Variants in ITPRID2 observed in about 807,000 individuals in gnomAD.
The protein encoded by ITPRID2 is protein ITPRID2.
Under a neutral mutation model 124.3 loss-of-function variants are expected in ITPRID2, and 60 were observed. That is an observed-to-expected ratio of 0.48 (90% confidence interval 0.39 to 0.60). The LOEUF (loss-of-function observed/expected upper bound fraction) is 0.60, where lower values mean the gene tolerates loss of function less well. Among genes scored for constraint, ITPRID2 ranks in the 20% least tolerant of loss-of-function variants. The probability of loss-of-function intolerance (pLI) is 0.00; values close to 1 mark genes in which losing one functional copy is unlikely to be tolerated. For missense variants in ITPRID2, 1,553 were observed against 1,512.2 expected (o/e 1.03, Z -0.45); for synonymous variants, 521 against 542.9 (o/e 0.96, Z 0.56).
intron 6 of ITPRID2, among the ~76,000 whole-genome samples, chr2:181,900,193 A>G (rs1286699913): frequency 1.3e-5 from 2 of 152,184 alleles, no homozygotes; most frequent in African/African-American, 2.4e-5. Flanking sequence ...AGTTGAAAGT[A>G]AGCTCCTCCC....
chr2:181,899,664 C>T lies in ITPRID2; in HGVS notation c.503+552C>T, dbSNP rs1184141359. ...CAGCCTGAGCAATATGGGGAAACGGCGAAACCCTGTCTTTACAAAAAATGC... is the reference window on the plus strand; with the variant it reads ...CAGCCTGAGCAATATGGGGAAACGGTGAAACCCTGTCTTTACAAAAAATGC... On this transcript the variant is annotated intron_variant, in intron 6 of 17. Transcript: ENST00000431877. Among the ~76,000 whole-genome samples, 9 of 152,182 alleles carry T rather than the reference C, an allele frequency of 5.9e-5. No homozygotes were observed. The East Asian group carries it at 1.4e-3, about 23-fold the overall frequency.
chr2:181,901,909 T>A lies in ITPRID2; in HGVS notation c.856T>A (p.Leu286Ile). The part of the protein sequence containing the change: ...SNKETDPPPP[L>I]TRSNTANRLM... Reference sequence around the variant, plus strand: ...CAAGGAGACAGACCCACCTCCACCTTTAACTCGAAGTAACACTGCAAATCG... The same window carrying A: ...CAAGGAGACAGACCCACCTCCACCTATAACTCGAAGTAACACTGCAAATCG... The change falls in exon 8 of 18, where the codon TTA becomes ATA. Residue 286 changes from leucine (L) to isoleucine (I), a missense_variant. Transcript: ENST00000431877. 7 of 1,613,900 alleles carry A rather than the reference T, an allele frequency of 4.3e-6. No individual in the cohort carries two copies. The highest frequency in any genetic ancestry group is 5.9e-6 in the Non-Finnish European group (7 of 1,179,882).
chr2:181,910,692 A>G lies in ITPRID2; in HGVS notation c.1486+721A>G. The G allele has an allele frequency of 1.5e-6, 1 of 651,056 alleles. No homozygotes were observed. Among genetic ancestry groups the G allele is most frequent in the South Asian group, 1.8e-5 (1 of 54,340 alleles). The allele number at this position is 651,056 out of a possible 1,614,324, so 40.3% of individuals were successfully genotyped here. A position where few individuals can be genotyped will look rare whatever the true frequency, so the allele number is the denominator to read the frequency against. ...ACCACCCTGTTTTTTTTTTAAACAA[A>G]GATTCGTATGTATGTTCCTAGAATA... On this transcript the variant is annotated intron_variant, in intron 9 of 17. Coordinates refer to ENST00000431877, the MANE Select transcript of ITPRID2 (RefSeq NM_001130445.3). The surrounding 1 kb of genome is among the most constrained non-coding windows in gnomAD (Gnocchi z 4.1).
At position 181,922,119 on chromosome 2, in the gene ITPRID2, G is replaced by A. The variant is rs748434623; in HGVS notation, c.3382G>A (p.Gly1128Arg). ...TCCCTCTCATGCTAACAGAAGAACT[G>A]GAGTACCTTCTACTGCCTCAGTGGG... ...SGPSHANRRT[G>R]VPSTASVGKS... Residue 1128 changes from glycine to arginine, a missense_variant, in exon 16 of 18, where the codon GGA becomes AGA. Physicochemically the swap from Gly to Arg is moderately radical, Grantham distance 125. Coordinates refer to ENST00000431877, the MANE Select transcript of ITPRID2 (RefSeq NM_001130445.3). 13 of 1,614,234 alleles carry A rather than the reference G, an allele frequency of 8.1e-6. No homozygotes were observed. The highest frequency in any genetic ancestry group is 1.0e-5 in the Non-Finnish European group (12 of 1,180,036).
At position 181,916,410 on chromosome 2, in the gene ITPRID2, C is replaced by T; in HGVS notation, c.2770C>T (p.Leu924=). The T allele has an allele frequency of 6.2e-7, 1 of 1,612,966 alleles. No individual in the cohort carries two copies. Among genetic ancestry groups the T allele is most frequent in the Non-Finnish European group, 8.5e-7 (1 of 1,179,130 alleles). ...AGTATTACATGATATTAGAAACTCA[C>T]TGCAGAATCTTTCACAGGTATGAGA... ...RRVLHDIRNS[L]QNLSQYPMMR... is the part of the protein sequence containing the mutation. Residue 924 remains leucine (L), a synonymous_variant, in exon 11 of 18, where the codon CTG becomes TTG. Transcript: ENST00000431877.
Position 181,901,919 on chromosome 2 carries a change from G to GTGT in ITPRID2, c.867_868insGTT (p.Ser289_Asn290insVal), listed in dbSNP as rs1359618006. ...GACCCACCTCCACCTTTAACTCGAA[G>GTGT]TAACACTGCAAATCGTTTAATGAAA... On this transcript the variant is annotated inframe_insertion, in exon 8 of 18. Transcript: ENST00000431877. The GTGT allele has an allele frequency of 6.2e-7, 1 of 1,613,828 alleles. No homozygotes were observed. Among genetic ancestry groups the GTGT allele is most frequent in the East Asian group, 2.2e-5 (1 of 44,858 alleles).
In ITPRID2 at chr2:181,915,934, G is replaced by C. The variant is rs1477561058; in HGVS notation, c.2294G>C (p.Arg765Thr). The C allele has an allele frequency of 1.4e-5, 22 of 1,614,092 alleles. No individual in the cohort carries two copies. The highest frequency in any genetic ancestry group is 1.8e-5 in the Non-Finnish European group (21 of 1,180,048). ...CGATTATCTCCAGGAAAAGAGACCAGATGCAGCCCACCTTCCTTCACCTAT... is the reference window on the plus strand; with the variant it reads ...CGATTATCTCCAGGAAAAGAGACCACATGCAGCCCACCTTCCTTCACCTAT... ...NVRLSPGKET[R>T]CSPPSFTYKY... is the part of the protein sequence containing the mutation. The change falls in exon 11 of 18, where the codon AGA (arginine) becomes ACA (threonine). Residue 765 changes from arginine to threonine, a missense_variant. By Grantham distance (71) the Arg-to-Thr change is moderately conservative. Transcript: ENST00000431877.
chr2:181,920,130 T>C (rs1313927089), intron 14 of ITPRID2, among the ~76,000 whole-genome samples: 1 of 152,196 alleles, frequency 6.6e-6, no homozygotes, highest in Non-Finnish European at 1.5e-5. Flanking sequence ...AGTGAATTAT[T>C]CTTTGTTACC....
rs1163829848 is a variant in ITPRID2, at chr2:181,928,223, A to G, written c.3738A>G (p.Val1246=). Residue 1246 remains valine (V), a synonymous_variant, in exon 17 of 18, where the codon GTA becomes GTG. Coordinates refer to ENST00000431877, the MANE Select transcript of ITPRID2 (RefSeq NM_001130445.3). ...TTGTAAGTGGACTTTTGGCAGCAGT[A>G]TCTTCAAGTAAAGCGTCTAATTCTA... ...REIVSGLLAA[V]SSSKASNSKQ... is the part of the protein sequence containing the mutation. 1.3e-6 allele frequency: 2 copies of G among 1,550,982 alleles called. No homozygotes were observed. The highest frequency in any genetic ancestry group is 1.4e-5 in the African/African-American group (1 of 73,028).
In ITPRID2 at chr2:181,910,501, C is replaced by T. The variant is rs1693515979; in HGVS notation, c.1486+530C>T. On this transcript the variant is annotated intron_variant, in intron 9 of 17. Transcript: ENST00000431877. The surrounding 1 kb of genome is among the most constrained non-coding windows in gnomAD (Gnocchi z 4.1). ...AATTATTAATTATTGACCAAAGAAC[C>T]TTTGAATCCATCCCTTTCACTTTTA... The T allele has an allele frequency of 4.8e-6, 3 of 625,538 alleles. No homozygotes were observed. The highest frequency in any genetic ancestry group is 2.5e-4 in the Middle Eastern group (1 of 4,000). The allele number at this position is 625,538 out of a possible 1,614,324, so 38.7% of individuals were successfully genotyped here. A position where few individuals can be genotyped will look rare whatever the true frequency, so the allele number is the denominator to read the frequency against.
Position 181,892,837 on chromosome 2 carries a change from C to A in ITPRID2, c.257+177C>A, listed in dbSNP as rs1471783360. ...CGATTAGAAATGGAAGTGCTGTGAC[C>A]GCTGATTATTTGGTGACCGTGTTGA... On this transcript the variant is annotated intron_variant, in intron 2 of 17. Coordinates refer to ENST00000431877, the MANE Select transcript of ITPRID2 (RefSeq NM_001130445.3). This position sits in a 1 kb window ranked among gnomAD's most constrained non-coding sequence, Gnocchi z 5.2. 7 of 675,434 alleles carry A rather than the reference C, an allele frequency of 1.0e-5. No individual in the cohort carries two copies. The South Asian group carries it at 1.2e-4, about 12-fold the overall frequency. 41.8% of individuals were successfully genotyped at this position (675,434 alleles called of 1,614,324 possible).
chr2:181,892,486 G>A lies in ITPRID2; in HGVS notation c.212-129G>A. 1 of 1,282,884 alleles carries A rather than the reference G, an allele frequency of 7.8e-7. No individual in the cohort carries two copies. 79.5% of individuals were successfully genotyped at this position (1,282,884 alleles called of 1,614,324 possible). A position where few individuals can be genotyped will look rare whatever the true frequency, so the allele number is the denominator to read the frequency against. On this transcript the variant is annotated intron_variant, in intron 1 of 17. Transcript: ENST00000431877. The surrounding 1 kb of genome is among the most constrained non-coding windows in gnomAD (Gnocchi z 5.2). ...GGGTGCCATCCGATTTCCCTGCCAAGGGACACTGAGACGTGTCGCTTAGGC... is the reference window on the plus strand; with the variant it reads ...GGGTGCCATCCGATTTCCCTGCCAAAGGACACTGAGACGTGTCGCTTAGGC...
At position 181,915,469 on chromosome 2, in the gene ITPRID2, C is replaced by A; in HGVS notation, c.1829C>A (p.Ser610Tyr). 2 of 1,614,146 alleles carry A rather than the reference C, an allele frequency of 1.2e-6. No homozygotes were observed. The highest frequency in any genetic ancestry group is 1.7e-6 in the Non-Finnish European group (2 of 1,180,028). The change falls in exon 11 of 18, where the codon TCC (serine) becomes TAC (tyrosine). Residue 610 changes from serine to tyrosine, a missense_variant. Ser to Tyr is a moderately radical substitution (Grantham distance 144). Coordinates refer to ENST00000431877, the MANE Select transcript of ITPRID2 (RefSeq NM_001130445.3). ...ATTGAGAATACAGGAACTAAACAGT[C>A]CACCTGTAGTCCAGGGGATCATATC... ...NTIENTGTKQ[S>Y]TCSPGDHIIE...
At chr2:181,927,494 A>T (rs1461875332) in intron 16 of ITPRID2, among the ~76,000 whole-genome samples, 1 of 152,132 alleles carries the variant, frequency 6.6e-6, no homozygotes, top group Non-Finnish European at 1.5e-5. Context: ...ATAAAATGAG[A>T]TGTATATCCT....
In ITPRID2 at chr2:181,919,972, T is replaced by C. The variant is rs1694366169; in HGVS notation, c.3144+526T>C. On this transcript the variant is annotated intron_variant, in intron 14 of 17. Coordinates refer to ENST00000431877, the MANE Select transcript of ITPRID2 (RefSeq NM_001130445.3). This position sits in a 1 kb window ranked among gnomAD's most constrained non-coding sequence, Gnocchi z 4.2. ...ATGTATTTTCCTAAATATATAGATA[T>C]ATATCCAAGAGAATAAAAAGAAACA... Among the ~76,000 whole-genome samples the C allele has an allele frequency of 6.6e-6, 1 of 152,170 alleles. No homozygotes were observed. The highest frequency in any genetic ancestry group is 2.4e-5 in the African/African-American group (1 of 41,458).
intron 7 of ITPRID2, 76 bp from the exon 8 acceptor site, chr2:181,901,690 C>A: frequency 1.9e-6 from 2 of 1,054,082 alleles, no homozygotes; most frequent in Non-Finnish European, 2.5e-6. Flanking sequence ...GAATTCTAAA[C>A]AATAATATGC....
In ITPRID2 at chr2:181,916,277, T is replaced by C. The variant is rs745399603; in HGVS notation, c.2637T>C (p.Ser879=). ...SVPNISGATC[S]AFASPFGCPY... is the part of the protein sequence containing the mutation. ...CCAACATATCAGGGGCTACTTGTAG[T>C]GCCTTCGCTTCCCCTTTCGGGTGTC... Residue 879 remains serine (S), a synonymous_variant, in exon 11 of 18, where the codon AGT becomes AGC. Coordinates refer to ENST00000431877, the MANE Select transcript of ITPRID2 (RefSeq NM_001130445.3). 2 of 1,614,214 alleles carry C rather than the reference T, an allele frequency of 1.2e-6. No individual in the cohort carries two copies. Among genetic ancestry groups the C allele is most frequent in the Admixed American group, 3.3e-5 (2 of 60,020 alleles).
chr2:181,894,837 A>T (rs2125059456), intron 2 of ITPRID2: 1 of 152,216 alleles, frequency 6.6e-6, no homozygotes, highest in Admixed American at 6.5e-5. Flanking sequence ...TCGAAGGAGG[A>T]TTCCTGTTAC....
chr2:181,901,907 CT>C lies in ITPRID2; in HGVS notation c.857del (p.Leu286Ter). The C allele has an allele frequency of 6.2e-7, 1 of 1,613,866 alleles. No homozygotes were observed. Among genetic ancestry groups the C allele is most frequent in the Non-Finnish European group, 8.5e-7 (1 of 1,179,888 alleles). On this transcript the variant is annotated frameshift_variant, in exon 8 of 18. Transcript: ENST00000431877. LOFTEE classifies it high-confidence loss of function. ...AACAAGGAGACAGACCCACCTCCAC[CT>C]TTAACTCGAAGTAACACTGCAAATC... ...TSNKETDPPP[P>X]LTRSNTANRL...
Sources: gnomAD v4.1 joint callset for allele counts (sites outside exome capture counted in the v4.1 genomes callset) on GRCh38, gnomAD v4.1.1 for gene constraint, Gnocchi (gnomAD v3.1) non-coding constraint, MANE v1.5 for transcripts, NCBI Gene and HGNC (gene_info 2026-07-23, HGNC 2026-07-21) for gene names.